The following FASLG variants were observed in gnomAD, a reference collection of about 807,000 sequenced individuals.
The protein encoded by FASLG is tumor necrosis factor ligand superfamily member 6.
A neutral mutation model predicts 24.6 loss-of-function variants in FASLG; 9 were observed. The observed-to-expected ratio is 0.37, with a 90% CI of 0.22 to 0.64. The LOEUF (loss-of-function observed/expected upper bound fraction) is 0.64, where lower values mean the gene tolerates loss of function less well. FASLG is among the 30% of genes least tolerant of loss of function. The probability of loss-of-function intolerance (pLI) is 0.64; values close to 1 mark genes in which losing one functional copy is unlikely to be tolerated. For synonymous variants in FASLG, 130 were observed against 135.5 expected (o/e 0.96, Z 0.28); for missense variants, 306 against 345.3 (o/e 0.89, Z 0.90).
rs752605458 is a variant in FASLG at position 172,659,168 on chromosome 1, C to T, written c.-34C>T. 12 of 1,613,772 alleles carry T rather than the reference C, an allele frequency of 7.4e-6. No individual in the cohort carries two copies. The African/African-American group carries it at 1.2e-4, about 16-fold the overall frequency. On this transcript the variant is annotated 5_prime_UTR_variant, in exon 1 of 4. Transcript: ENST00000367721. The stretch of plus-strand genomic sequence containing the variant: ...CTACAGGACTGAGAAGAAGTAAAAC[C>T]GTTTGCTGGGGCTGGCCTGACTCAC...
intron 2 of FASLG, among the ~76,000 whole-genome samples, chr1:172,661,177 A>G (rs1382397689): frequency 1.3e-5 from 2 of 152,190 alleles, no homozygotes; most frequent in Non-Finnish European, 2.9e-5. Flanking sequence ...GGAATAAGAA[A>G]TAGATGAAAA....
intron 2 of FASLG, among the ~76,000 whole-genome samples, chr1:172,662,021 T>C (rs999986055): frequency 2.0e-5 from 3 of 152,090 alleles, no homozygotes; most frequent in African/African-American, 7.2e-5. Context: ...TTATAATAAA[T>C]AATTCAGAAG....
At chr1:172,665,019 C>T (rs1467916894) in intron 3 of FASLG, among the ~76,000 whole-genome samples, 1 of 152,146 alleles carries the variant, frequency 6.6e-6, no homozygotes, top group Non-Finnish European at 1.5e-5. Flanking sequence ...CTGCTGTGTG[C>T]CAATTTGGGG....
chr1:172,662,299 T>C (rs951291020), intron 2 of FASLG, among the ~76,000 whole-genome samples: 2 of 124,528 alleles, frequency 1.6e-5, no homozygotes, highest in Non-Finnish European at 1.6e-5. Flanking sequence ...CTCTGGGAGA[T>C]ACTATTATAG....
chr1:172,659,605 G>A (rs981097766), intron 1 of FASLG, 56 bp downstream of exon 1: 64 of 1,592,346 alleles, frequency 4.0e-5, no homozygotes, highest in Non-Finnish European at 5.2e-5. Context: ...AGGGGATGGA[G>A]GGCCCACTGC....
chr1:172,661,622 TA>T (rs1659143430), intron 2 of FASLG, among the ~76,000 whole-genome samples: 1 of 152,182 alleles, frequency 6.6e-6, no homozygotes, highest in African/African-American at 2.4e-5. Flanking sequence ...TCTACCCCAG[TA>T]AGCAATTATG....
chr1:172,661,208 C>T (rs901950142), intron 2 of FASLG, among the ~76,000 whole-genome samples: 1 of 152,202 alleles, frequency 6.6e-6, no homozygotes, highest in Non-Finnish European at 1.5e-5. Context: ...TCTGCAAAGA[C>T]TATAGGTAGA....
intron 2 of FASLG, among the ~76,000 whole-genome samples, chr1:172,663,808 C>T (rs938605926): frequency 3.3e-5 from 5 of 152,104 alleles, no homozygotes; most frequent in South Asian, 2.1e-4. Flanking sequence ...TCTGGTGACA[C>T]GCAGACAGAT....
In FASLG at chr1:172,665,919, A is replaced by G. The variant is rs376317481; in HGVS notation, c.749A>G (p.Asn250Ser). ...AGCAGCTACCTGGGGGCAGTGTTCA[A>G]TCTTACCAGTGCTGATCATTTATAT... ...ARSSYLGAVF[N>S]LTSADHLYVN... The change falls in exon 4 of 4, where the codon AAT becomes AGT. Residue 250 changes from asparagine to serine, a missense_variant. Asn to Ser is a conservative substitution (Grantham distance 46). Coordinates refer to ENST00000367721, the MANE Select transcript of FASLG (RefSeq NM_000639.3). 6.1e-5 allele frequency: 98 copies of G among 1,612,576 alleles called. No individual in the cohort carries two copies. Among genetic ancestry groups the G allele is most frequent in the Non-Finnish European group, 5.9e-5 (69 of 1,178,874 alleles).
rs1359185494 is a variant in FASLG at position 172,666,451 on chromosome 1, T to C, written c.*435T>C. Reference sequence around the variant, plus strand: ...GGAAAAGGAAGACTAGAGGCTTGCATAATAAGCTAAAGAGGCTGAAAGAGG... The same window carrying C: ...GGAAAAGGAAGACTAGAGGCTTGCACAATAAGCTAAAGAGGCTGAAAGAGG... On this transcript the variant is annotated 3_prime_UTR_variant, in exon 4 of 4. Coordinates refer to ENST00000367721, the MANE Select transcript of FASLG (RefSeq NM_000639.3). 5.9e-6 allele frequency: 1 copy of C among 168,596 alleles called. No homozygotes were observed. The highest frequency in any genetic ancestry group is 2.4e-5 in the African/African-American group (1 of 41,938). 10.4% of individuals were successfully genotyped at this position (168,596 alleles called of 1,614,324 possible). A position where few individuals can be genotyped will look rare whatever the true frequency, so the allele number is the denominator to read the frequency against.
intron 2 of FASLG, among the ~76,000 whole-genome samples, chr1:172,662,659 A>G (rs1180438016): frequency 1.3e-5 from 2 of 152,170 alleles, no homozygotes; most frequent in African/African-American, 4.8e-5. Context: ...CGGGCATTTC[A>G]GCGCTGGGAA....
intron 1 of FASLG, among the ~76,000 whole-genome samples, chr1:172,659,885 A>G (rs1659100442): frequency 6.6e-6 from 1 of 152,174 alleles, no homozygotes; most frequent in African/African-American, 2.4e-5. Context: ...ATTTGTTCAG[A>G]TGACCAAACT....
At position 172,659,275 on chromosome 1, in the gene FASLG, C is replaced by T. The variant is rs1414495428; in HGVS notation, c.74C>T (p.Pro25Leu). 1 of 1,614,158 alleles carries T rather than the reference C, an allele frequency of 6.2e-7. No individual in the cohort carries two copies. The highest frequency in any genetic ancestry group is 1.7e-4 in the Middle Eastern group (1 of 6,058). ...VDSSASSPWA[P>L]PGTVLPCPTS... ...AGCAGTGCCAGCTCTCCCTGGGCCCCTCCAGGCACAGTTCTTCCCTGTCCA... is the reference window on the plus strand; with the variant it reads ...AGCAGTGCCAGCTCTCCCTGGGCCCTTCCAGGCACAGTTCTTCCCTGTCCA... Residue 25 changes from proline (P) to leucine (L), a missense_variant, in exon 1 of 4, where the codon CCT (proline) becomes CTT (leucine). By Grantham distance (98) the Pro-to-Leu change is moderately conservative (BLOSUM62 -3). Coordinates refer to ENST00000367721, the MANE Select transcript of FASLG (RefSeq NM_000639.3).
At chr1:172,662,426 T>C (rs1659162205) in intron 2 of FASLG, among the ~76,000 whole-genome samples, 1 of 152,214 alleles carries the variant, frequency 6.6e-6, no homozygotes, top group Non-Finnish European at 1.5e-5. Flanking sequence ...TGGATGCTGA[T>C]TGAGGATGAG....
intron 2 of FASLG, among the ~76,000 whole-genome samples, chr1:172,662,320 C>A (rs9970950): frequency 0.047 from 7,150 of 152,232 alleles, 574 homozygotes; most frequent in African/African-American, 0.16. Context: ...ATTATTTATA[C>A]TTTCTAATTT....
intron 1 of FASLG, 23 bp downstream of exon 1, chr1:172,659,572 G>A (rs765263099): frequency 2.5e-6 from 4 of 1,612,034 alleles, no homozygotes; most frequent in Admixed American, 1.7e-5. Flanking sequence ...GCAGACTGCT[G>A]TGCCCTGGAG....
At chr1:172,659,735 C>T (rs1170793933) in intron 1 of FASLG, among the ~76,000 whole-genome samples, 186 bp downstream of exon 1, 1 of 151,304 alleles carries the variant, frequency 6.6e-6, no homozygotes, top group Non-Finnish European at 1.5e-5. Context: ...ATATTTTTTA[C>T]TTTGTAAAGA....
Position 172,659,163 on chromosome 1 carries a change from A to G in FASLG, c.-39A>G. 1 of 1,613,840 alleles carries G rather than the reference A, an allele frequency of 6.2e-7. No homozygotes were observed. The highest frequency in any genetic ancestry group is 8.5e-7 in the Non-Finnish European group (1 of 1,179,922). ...AGCCTCTACAGGACTGAGAAGAAGT[A>G]AAACCGTTTGCTGGGGCTGGCCTGA... On this transcript the variant is annotated 5_prime_UTR_variant, in exon 1 of 4. Coordinates refer to ENST00000367721, the MANE Select transcript of FASLG (RefSeq NM_000639.3).
chr1:172,660,063 A>G, intron 1 of FASLG, 32 bp from the exon 2 acceptor site: 1 of 1,607,090 alleles, frequency 6.2e-7, no homozygotes, highest in Non-Finnish European at 8.5e-7. Flanking sequence ...TTTTATTTTT[A>G]TTATACATCT....
Sources: gnomAD v4.1 joint callset for allele counts (sites outside exome capture counted in the v4.1 genomes callset) on GRCh38, gnomAD v4.1.1 for gene constraint, MANE v1.5 for transcripts, NCBI Gene and HGNC (gene_info 2026-07-23, HGNC 2026-07-21) for gene names.